The following ACSBG2 variants were observed in gnomAD, a reference collection of about 807,000 sequenced individuals.
ACSBG2 encodes the protein acyl-CoA synthetase bubblegum family member 2.
Under a neutral mutation model 74.7 loss-of-function variants are expected in ACSBG2, and 62 were observed. The ratio of observed to expected loss-of-function variants is 0.83; its 90% CI spans 0.68 to 1.03. ACSBG2 has a LOEUF of 1.03. Among genes scored for constraint, ACSBG2 ranks in the 50% least tolerant of loss-of-function variants. ACSBG2 has a pLI of 0.00. For synonymous variants in ACSBG2, 309 were observed against 294.1 expected (o/e 1.05, Z -0.52); for missense variants, 730 against 817.6 (o/e 0.89, Z 1.31).
At chr19:6,176,249 G>T (rs1044165280) in intron 7 of ACSBG2, 103 of 1,325,320 alleles carry the variant, frequency 7.8e-5, no homozygotes, top group Non-Finnish European at 9.0e-5. Flanking sequence ...GCTGAAGTGG[G>T]GGCCCCAGGT....
In ACSBG2 at chr19:6,155,126, C is replaced by T. The variant is rs544348061; in HGVS notation, c.387-1305C>T. Among the ~76,000 whole-genome samples the T allele has an allele frequency of 9.8e-4, 149 of 152,056 alleles. 1 individual carries two copies. The highest frequency in any genetic ancestry group is 1.0e-3 in the Non-Finnish European group (70 of 68,012). On this transcript the variant is annotated intron_variant, in intron 4 of 14. Coordinates refer to ENST00000588485, the MANE Select transcript of ACSBG2 (RefSeq NM_030924.5). ...GCCTCATTCCCTGCCATATTAAAAG[C>T]ACAACAACTAGATCAACAGAGCAGA...
chr19:6,144,194 C>T (rs1037939463), intron 2 of ACSBG2, among the ~76,000 whole-genome samples: 6 of 152,116 alleles, frequency 3.9e-5, no homozygotes, highest in African/African-American at 7.2e-5. Flanking sequence ...TACAGGGTTT[C>T]GCCATGTTAG....
intron 6 of ACSBG2, among the ~76,000 whole-genome samples, chr19:6,164,247 G>C (rs1282556373): frequency 6.6e-6 from 1 of 152,136 alleles, no homozygotes; most frequent in Non-Finnish European, 1.5e-5. Context: ...CCTTTGTAGG[G>C]AGACCTAGGG....
intron 11 of ACSBG2, among the ~76,000 whole-genome samples, chr19:6,186,179 A>G (rs1342719592): frequency 1.3e-5 from 2 of 152,130 alleles, no homozygotes; most frequent in African/African-American, 4.8e-5. Flanking sequence ...GATTGAAGAA[A>G]GTATAGAACA....
At position 6,180,459 on chromosome 19, in the gene ACSBG2, G is replaced by C. The variant is rs1054014336; in HGVS notation, c.907-2292G>C. Among the ~76,000 whole-genome samples the C allele has an allele frequency of 1.3e-5, 2 of 152,160 alleles. No individual in the cohort carries two copies. Among genetic ancestry groups the C allele is most frequent in the Non-Finnish European group, 2.9e-5 (2 of 68,048 alleles). ...CTCATATGCCCCATGCTCAGTGCCT[G>C]AGATGTGTTAGGTCTTCAATACATA... On this transcript the variant is annotated intron_variant, in intron 8 of 14. Coordinates refer to ENST00000588485, the MANE Select transcript of ACSBG2 (RefSeq NM_030924.5). The surrounding 1 kb of genome is among the most constrained non-coding windows in gnomAD (Gnocchi z 4.3).
At chr19:6,159,080 C>G (rs560099936) in intron 5 of ACSBG2, among the ~76,000 whole-genome samples, 1 of 152,250 alleles carries the variant, frequency 6.6e-6, no homozygotes, top group Non-Finnish European at 1.5e-5. Context: ...GCTTCAGTCT[C>G]CCAAGTAGCT....
At chr19:6,160,634 T>C (rs1223608180) in intron 5 of ACSBG2, 1 of 152,308 alleles carries the variant, frequency 6.6e-6, no homozygotes, top group African/African-American at 2.4e-5. Context: ...CACAATTCTG[T>C]GTAGCATAAT....
rs766486498 is a variant in ACSBG2 at position 6,183,046 on chromosome 19, A to G, written c.1096A>G (p.Asn366Asp). 6.2e-7 allele frequency: 1 copy of G among 1,614,120 alleles called. No individual in the cohort carries two copies. ...VNSKKMLGKY[N>D]TPVSYRMAKT... ...CGGCATTCTTATTCACAGGAAATAT[A>G]ATACTCCCGTGAGCTACCGCATGGC... The change falls in exon 10 of 15, where the codon AAT becomes GAT. Residue 366 changes from asparagine (N) to aspartate (D), a missense_variant. Coordinates refer to ENST00000588485, the MANE Select transcript of ACSBG2 (RefSeq NM_030924.5).
intron 3 of ACSBG2, 58 bp from the exon 4 acceptor site, chr19:6,151,647 CTA>C: frequency 6.7e-7 from 1 of 1,486,106 alleles, no homozygotes; most frequent in Non-Finnish European, 9.2e-7. Flanking sequence ...GTCACATATC[CTA>C]ATGATATAAC....
At chr19:6,151,953 G>A (rs1416539939) in intron 4 of ACSBG2, among the ~76,000 whole-genome samples, 158 bp downstream of exon 4, 1 of 152,138 alleles carries the variant, frequency 6.6e-6, no homozygotes, top group Admixed American at 6.6e-5. Context: ...TCTGATCACA[G>A]GTCATACGCA....
chr19:6,143,477 C>G (rs1219527702), intron 2 of ACSBG2, among the ~76,000 whole-genome samples: 1 of 152,042 alleles, frequency 6.6e-6, no homozygotes, highest in Non-Finnish European at 1.5e-5. Flanking sequence ...GATGTCATCT[C>G]AAGATCCTTC....
chr19:6,177,468 A>G (rs1471853130), intron 8 of ACSBG2, 72 bp downstream of exon 8: 38 of 1,473,164 alleles, frequency 2.6e-5, no homozygotes, highest in Non-Finnish European at 2.4e-5. Context: ...ATGGTTGTTA[A>G]TCATTCGACA....
chr19:6,157,033 G>A (rs1049720136), intron 5 of ACSBG2, among the ~76,000 whole-genome samples: 1 of 151,598 alleles, frequency 6.6e-6, no homozygotes, highest in Non-Finnish European at 1.5e-5. Flanking sequence ...TGCAAGCTCT[G>A]CCTCCTGGGT....
chr19:6,172,461 TG>T (rs1443511119), intron 7 of ACSBG2, among the ~76,000 whole-genome samples: 4 of 152,152 alleles, frequency 2.6e-5, no homozygotes, highest in Admixed American at 1.3e-4. Flanking sequence ...AAGGTCTGTA[TG>T]GGTTCCACGG....
chr19:6,190,920 G>T, intron 14 of ACSBG2: 1 of 358,064 alleles, frequency 2.8e-6, no homozygotes, highest in Non-Finnish European at 5.2e-6. Context: ...CAGGGTCATG[G>T]TAGGGTGTGT....
intron 8 of ACSBG2, among the ~76,000 whole-genome samples, chr19:6,178,524 G>A (rs1226393068): frequency 6.6e-6 from 1 of 152,104 alleles, no homozygotes; most frequent in Non-Finnish European, 1.5e-5. Flanking sequence ...TGGAACTGCA[G>A]GCCTGTGCCA....
rs781417481 is a variant in ACSBG2, at chr19:6,187,742, G to T, written c.1824G>T (p.Gln608His). The T allele has an allele frequency of 8.1e-6, 13 of 1,614,178 alleles. No individual in the cohort carries two copies. The highest frequency in any genetic ancestry group is 1.6e-4 in the Middle Eastern group (1 of 6,062). Reference protein sequence around the residue: ...QQDPLVYKAIQQGINAVNQEA... With the variant: ...QQDPLVYKAIHQGINAVNQEA... ...ACCCCCTGGTCTACAAGGCCATCCA[G>T]CAAGGCATCAATGCTGTGAACCAGG... is the stretch of plus-strand genomic sequence containing the variant. Residue 608 changes from glutamine (Q) to histidine (H), a missense_variant, in exon 13 of 15, where the codon CAG (glutamine) becomes CAT (histidine). Gln to His is a conservative substitution (Grantham distance 24). Coordinates refer to ENST00000588485, the MANE Select transcript of ACSBG2 (RefSeq NM_030924.5).
At chr19:6,146,124 G>A (rs940516419) in intron 2 of ACSBG2, among the ~76,000 whole-genome samples, 4 of 152,172 alleles carry the variant, frequency 2.6e-5, no homozygotes, top group African/African-American at 9.7e-5. Flanking sequence ...ACATGCAAGG[G>A]TGTTTAAGGG....
rs1308597160 is a variant in ACSBG2, at chr19:6,184,844, A to AC, written c.1323-592_1323-591insC. Among the ~76,000 whole-genome samples, 350 of 114,040 alleles carry AC rather than the reference A, an allele frequency of 3.1e-3. 7 individuals are homozygous for AC. The highest frequency in any genetic ancestry group is 4.5e-3 in the East Asian group (20 of 4,434). The allele number at this position is 114,040 out of a possible 152,430, so 74.8% of individuals were successfully genotyped here. On this transcript the variant is annotated intron_variant, in intron 10 of 14. Coordinates refer to ENST00000588485, the MANE Select transcript of ACSBG2 (RefSeq NM_030924.5). ...CATATGTGGAGATGAAAAAAAAAAA[A>AC]AAAAAAAAAAAAAAAAAAAAAAAAA...
Sources: allele counts gnomAD v4.1 joint callset (sites outside exome capture counted in the v4.1 genomes callset), GRCh38; gene constraint gnomAD v4.1.1; non-coding constraint Gnocchi (gnomAD v3.1); transcripts MANE v1.5; gene names NCBI Gene and HGNC (gene_info 2026-07-23, HGNC 2026-07-21).